Variants in PDE1C observed in about 807,000 individuals in gnomAD.
PDE1C encodes phosphodiesterase 1C.
In PDE1C, 62 loss-of-function variants were observed where a neutral mutation model predicts 93.1. The ratio of observed to expected loss-of-function variants is 0.67; its 90% CI spans 0.54 to 0.82. PDE1C has a LOEUF of 0.82. PDE1C is among the 40% of genes least tolerant of loss of function. The pLI, the probability that PDE1C is intolerant of heterozygous loss-of-function variation, is 0.00. For synonymous variants in PDE1C, 325 were observed against 310.1 expected (o/e 1.05, Z -0.50); for missense variants, 742 against 884.6 (o/e 0.84, Z 2.04).
At chr7:32,374,179 A>AAAGAAAGAAAGAAAG (rs1554313954) in intron 1 of PDE1C, among the ~76,000 whole-genome samples, 3,046 of 31,212 alleles carry the variant, frequency 0.098, 140 homozygotes, top group African/African-American at 0.14. Context: ...AGAAAGAAAG[A>AAAGAAAGAAAGAAAG]AAGAAAGAAA....
At chr7:31,848,185 T>C in intron 8 of PDE1C, 89 bp from the exon 9 acceptor site, 1 of 1,309,022 alleles carries the variant, frequency 7.6e-7, no homozygotes, top group Admixed American at 2.0e-5. Flanking sequence ...CCACCACTTT[T>C]TTCCATGTTT....
At chr7:31,817,205 T>C (rs532256858) in intron 14 of PDE1C, among the ~76,000 whole-genome samples, 1 of 151,774 alleles carries the variant, frequency 6.6e-6, no homozygotes, top group African/African-American at 2.4e-5. Context: ...GACAAGGAGG[T>C]GGAGAAGGAA....
chr7:32,022,995 C>T (rs75031865), intron 2 of PDE1C, among the ~76,000 whole-genome samples: 1,712 of 151,070 alleles, frequency 0.011, 14 homozygotes, highest in South Asian at 0.036. Flanking sequence ...AAAAGCAAAC[C>T]GGAAGAGGCT....
At chr7:32,020,405 A>T (rs934286697) in intron 2 of PDE1C, among the ~76,000 whole-genome samples, 10 of 152,042 alleles carry the variant, frequency 6.6e-5, no homozygotes, top group Middle Eastern at 3.4e-3. Flanking sequence ...AGAAAAAAAA[A>T]TTTTTTTAAG....
chr7:31,762,410 G>A (rs189000876), intron 17 of PDE1C, among the ~76,000 whole-genome samples: 91 of 152,102 alleles, frequency 6.0e-4, no homozygotes, highest in Non-Finnish European at 1.0e-3. Flanking sequence ...GCGCCATCCC[G>A]GGTCACTGCA....
chr7:31,886,716 A>G (rs1013694143), intron 2 of PDE1C, among the ~76,000 whole-genome samples: 1 of 107,880 alleles, frequency 9.3e-6, no homozygotes, highest in South Asian at 3.2e-4. Flanking sequence ...AGGATGGGAT[A>G]GGGAAACGGC....
intron 16 of PDE1C, chr7:31,786,559 G>A (rs774391805): frequency 3.9e-5 from 6 of 152,112 alleles, no homozygotes; most frequent in South Asian, 2.1e-4. Flanking sequence ...TCAGTTAGAC[G>A]ATTTTGAATG....
the PDE1C span, chr7:31,642,754 T>G: frequency 6.2e-7 from 1 of 1,613,996 alleles, no homozygotes; most frequent in South Asian, 1.1e-5. Context: ...GAGCCACAGC[T>G]TAGTATCATC....
the PDE1C span, among the ~76,000 whole-genome samples, chr7:31,701,106 G>A: frequency 6.6e-6 from 1 of 152,178 alleles, no homozygotes; most frequent in African/African-American, 2.4e-5. Context: ...ACCTAGAGCT[G>A]CTATAGATAG....
At chr7:32,035,762 T>C (rs1464716670) in intron 2 of PDE1C, among the ~76,000 whole-genome samples, 1 of 152,174 alleles carries the variant, frequency 6.6e-6, no homozygotes, top group Non-Finnish European at 1.5e-5. Context: ...CTCGAAATCC[T>C]AGCAGTATGA....
At chr7:31,692,304 G>A in the PDE1C span, 1 of 663,682 alleles carries the variant, frequency 1.5e-6, no homozygotes, top group Non-Finnish European at 2.5e-6. Context: ...ATTGGATTGG[G>A]AACACAATAG....
chr7:32,371,492 T>G (rs927833618), intron 1 of PDE1C, among the ~76,000 whole-genome samples: 1 of 152,212 alleles, frequency 6.6e-6, no homozygotes, highest in Admixed American at 6.5e-5. Context: ...GCTTGGCAGA[T>G]TTCCTGGCCA....
intron 2 of PDE1C, among the ~76,000 whole-genome samples, chr7:32,002,821 G>A (rs1785654714): frequency 6.6e-6 from 1 of 152,098 alleles, no homozygotes. Context: ...CTTAGTACCT[G>A]GAAAGTGCTC....
intron 1 of PDE1C, among the ~76,000 whole-genome samples, chr7:32,337,962 C>T (rs1783664329): frequency 6.6e-6 from 1 of 152,086 alleles, no homozygotes; most frequent in Non-Finnish European, 1.5e-5. Flanking sequence ...ACCTTACACG[C>T]TCTACAAAAA....
At chr7:32,174,036 C>CT (rs1310691369) in intron 2 of PDE1C, among the ~76,000 whole-genome samples, 3 of 152,090 alleles carry the variant, frequency 2.0e-5, no homozygotes, top group Non-Finnish European at 4.4e-5. Flanking sequence ...GACAAGACAG[C>CT]TTTTTTTGTT....
chr7:31,818,649 T>C (rs1327931037), intron 14 of PDE1C, among the ~76,000 whole-genome samples: 1 of 152,172 alleles, frequency 6.6e-6, no homozygotes, highest in Middle Eastern at 3.2e-3. Flanking sequence ...GTTAGTTTCC[T>C]TAACCAATAA....
At chr7:31,778,084 A>T (rs766369063) in intron 16 of PDE1C, among the ~76,000 whole-genome samples, 2 of 152,194 alleles carry the variant, frequency 1.3e-5, no homozygotes, top group Non-Finnish European at 2.9e-5. Flanking sequence ...GGTGATTCCA[A>T]CGATGATCTT....
chr7:31,733,678 T>C, the PDE1C span, among the ~76,000 whole-genome samples: 3 of 152,178 alleles, frequency 2.0e-5, no homozygotes, highest in Admixed American at 2.0e-4. Context: ...TTTGAAGTTA[T>C]TACTAAAACA....
At chr7:32,330,842 G>C (rs569700137) in intron 1 of PDE1C, among the ~76,000 whole-genome samples, 60 of 152,328 alleles carry the variant, frequency 3.9e-4, no homozygotes, top group African/African-American at 1.3e-3. Flanking sequence ...AGGCCAGAGA[G>C]CAGGGAATCG....
Sources: gnomAD v4.1 joint callset for allele counts (sites outside exome capture counted in the v4.1 genomes callset) on GRCh38, gnomAD v4.1.1 for gene constraint, MANE v1.5 for transcripts, NCBI Gene and HGNC (gene_info 2026-07-23, HGNC 2026-07-21) for gene names.